Variants in ERICH3 observed in about 807,000 individuals in gnomAD.
ERICH3 encodes the protein glutamate-rich protein 3.
A neutral mutation model predicts 131.1 loss-of-function variants in ERICH3; 126 were observed. That is an observed-to-expected ratio of 0.96 (90% CI 0.83 to 1.11). ERICH3 has a LOEUF of 1.11. ERICH3 is among the 50% of genes most tolerant of loss of function. The pLI, the probability that ERICH3 is intolerant of heterozygous loss-of-function variation, is 0.00. For missense variants in ERICH3, 2,050 were observed against 1,810.7 expected (o/e 1.13, Z -2.40); for synonymous variants, 695 against 644.6 (o/e 1.08, Z -1.18).
chr1:74,607,508 C>A (rs1648459520), intron 9 of ERICH3, among the ~76,000 whole-genome samples: 1 of 152,072 alleles, frequency 6.6e-6, no homozygotes, highest in East Asian at 1.9e-4. Flanking sequence ...GTTGCTGCAT[C>A]TTTTAAGTGA....
At chr1:74,617,892 T>C (rs1398650428) in intron 8 of ERICH3, among the ~76,000 whole-genome samples, 1 of 152,018 alleles carries the variant, frequency 6.6e-6, no homozygotes, top group East Asian at 1.9e-4. Context: ...AAGTCAATGA[T>C]AAAAGAAAAA....
At chr1:74,671,549 G>A (rs897776846) in intron 1 of ERICH3, among the ~76,000 whole-genome samples, 7 of 152,094 alleles carry the variant, frequency 4.6e-5, no homozygotes, top group Non-Finnish European at 8.8e-5. Context: ...TCAGCTGGCC[G>A]ACACTCATGG....
At chr1:74,580,347 T>C (rs960452509) in intron 12 of ERICH3, among the ~76,000 whole-genome samples, 30 of 152,328 alleles carry the variant, frequency 2.0e-4, no homozygotes, top group Admixed American at 2.0e-4. Flanking sequence ...TGTCTATTGT[T>C]AAATATTGAG....
intron 12 of ERICH3, 105 bp from the exon 13 acceptor site, chr1:74,577,041 G>T: frequency 2.2e-6 from 2 of 906,188 alleles, no homozygotes; most frequent in Non-Finnish European, 3.3e-6. Flanking sequence ...AATTCACCTA[G>T]CTGTTCAACT....
chr1:74,606,871 G>T lies in ERICH3; in HGVS notation c.1219C>A (p.Pro407Thr). The T allele has an allele frequency of 6.2e-7, 1 of 1,611,926 alleles. No individual in the cohort carries two copies. The highest frequency in any genetic ancestry group is 8.5e-7 in the Non-Finnish European group (1 of 1,179,006). Residue 407 changes from proline to threonine, a missense_variant, in exon 10 of 15, where the codon CCG becomes ACG. Coordinates refer to ENST00000326665, the MANE Select transcript of ERICH3 (RefSeq NM_001002912.5). Reference sequence around the variant, plus strand: ...TCTTTCCTAGATTTCGGCAAAGACGGTTTTTTGTCAAGGCCCATTGCAATA... The same window carrying T: ...TCTTTCCTAGATTTCGGCAAAGACGTTTTTTTGTCAAGGCCCATTGCAATA... ...CIIAMGLDKK[P>T]SLPKSRKEKS...
chr1:74,648,596 C>A (rs1474123421), intron 2 of ERICH3, among the ~76,000 whole-genome samples: 2 of 152,078 alleles, frequency 1.3e-5, no homozygotes, highest in Non-Finnish European at 2.9e-5. Context: ...GTTAAGGAAA[C>A]CCATTGTGTT....
chr1:74,619,199 T>G (rs1013657456), intron 8 of ERICH3, among the ~76,000 whole-genome samples: 3 of 152,174 alleles, frequency 2.0e-5, no homozygotes, highest in African/African-American at 7.2e-5. Flanking sequence ...AGTGACACCC[T>G]TTTTCCCATA....
At position 74,572,637 on chromosome 1, in the gene ERICH3, A is replaced by C; in HGVS notation, c.3073T>G (p.Cys1025Gly). 6.2e-7 allele frequency: 1 copy of C among 1,613,708 alleles called. No individual in the cohort carries two copies. Among genetic ancestry groups the C allele is most frequent in the Non-Finnish European group, 8.5e-7 (1 of 1,179,886 alleles). ...TCTTCCCCTTCCACATCTTCCTTGC[A>C]AAGGAAGGCTTCCTTTGCAAGGCTT... ...EGSLAKEAFL[C>G]KEDVEGEEMV... The change falls in exon 14 of 15, where the codon TGC becomes GGC. Residue 1025 changes from cysteine (C) to glycine (G), a missense_variant. Coordinates refer to ENST00000326665, the MANE Select transcript of ERICH3 (RefSeq NM_001002912.5).
At chr1:74,610,763 A>C (rs1398193191) in intron 9 of ERICH3, among the ~76,000 whole-genome samples, 1 of 151,898 alleles carries the variant, frequency 6.6e-6, no homozygotes, top group African/African-American at 2.4e-5. Flanking sequence ...CACTCCAAGA[A>C]AGCTTACACC....
At chr1:74,625,574 G>A (rs992282346) in intron 7 of ERICH3, 1 of 151,906 alleles carries the variant, frequency 6.6e-6, no homozygotes, top group African/African-American at 2.4e-5. Context: ...CACAATTATA[G>A]TACTCATCAC....
chr1:74,601,904 G>A (rs914097093), intron 10 of ERICH3, among the ~76,000 whole-genome samples: 4 of 151,824 alleles, frequency 2.6e-5, no homozygotes, highest in Non-Finnish European at 5.9e-5. Context: ...GGTGAGTATT[G>A]AGAACAATAA....
intron 6 of ERICH3, among the ~76,000 whole-genome samples, chr1:74,632,575 C>CACATATAT (rs1448490502): frequency 6.6e-6 from 1 of 151,958 alleles, no homozygotes; most frequent in Admixed American, 6.6e-5. Flanking sequence ...CACACACACA[C>CACATATAT]ACATATATAT....
At chr1:74,611,225 C>A (rs1457470884) in intron 9 of ERICH3, among the ~76,000 whole-genome samples, 1 of 152,154 alleles carries the variant, frequency 6.6e-6, no homozygotes, top group Non-Finnish European at 1.5e-5. Flanking sequence ...AAAACCACTT[C>A]ATTCCACCCC....
chr1:74,579,173 A>G (rs1647131633), intron 12 of ERICH3, among the ~76,000 whole-genome samples: 1 of 152,188 alleles, frequency 6.6e-6, no homozygotes, highest in South Asian at 2.1e-4. Context: ...GTATATCTAG[A>G]CAGTTCAAAT....
At chr1:74,590,893 T>A in intron 11 of ERICH3, among the ~76,000 whole-genome samples, 1 of 152,234 alleles carries the variant, frequency 6.6e-6, no homozygotes, top group African/African-American at 2.4e-5. Context: ...AGCCATTTTT[T>A]ATTGAAAACG....
chr1:74,616,309 C>T (rs1648962782), intron 8 of ERICH3, among the ~76,000 whole-genome samples: 1 of 152,114 alleles, frequency 6.6e-6, no homozygotes, highest in African/African-American at 2.4e-5. Context: ...CATGAGCCAC[C>T]ACAACCAGCC....
chr1:74,608,090 A>G (rs1043532288), intron 9 of ERICH3, among the ~76,000 whole-genome samples: 3 of 151,976 alleles, frequency 2.0e-5, no homozygotes, highest in African/African-American at 7.2e-5. Context: ...CCATCACATC[A>G]TACTGAAGCA....
chr1:74,639,175 T>C (rs1445882877), intron 5 of ERICH3, among the ~76,000 whole-genome samples: 3 of 152,182 alleles, frequency 2.0e-5, no homozygotes, highest in East Asian at 3.9e-4. Flanking sequence ...AAAAGAATTC[T>C]TTTGAACTTT....
At chr1:74,674,328 T>C (rs1382808236), upstream of ERICH3, among the ~76,000 whole-genome samples, 1 of 152,156 alleles carries the variant, frequency 6.6e-6, no homozygotes, top group Non-Finnish European at 1.5e-5. Context: ...ATCCAGTACA[T>C]GGAATGCAGG....
Sources: gnomAD v4.1 joint callset for allele counts (sites outside exome capture counted in the v4.1 genomes callset) on GRCh38, gnomAD v4.1.1 for gene constraint, MANE v1.5 for transcripts, NCBI Gene and HGNC (gene_info 2026-07-23, HGNC 2026-07-21) for gene names.